Variants in ZNF44 observed in about 807,000 individuals in gnomAD.
The protein encoded by ZNF44 is zinc finger protein 44, also known as gonadotropin inducible transcription repressor-2.
ZNF44 carries 9 observed loss-of-function variants against 11.7 expected under a neutral mutation model. The observed-to-expected ratio is 0.77, with a 90% CI of 0.46 to 1.35. ZNF44 has a LOEUF of 1.35. Among genes scored for constraint, ZNF44 ranks in the 40% most tolerant of loss-of-function variants. The pLI is 0.00. For missense variants in ZNF44, 696 were observed against 743.1 expected, an observed-to-expected ratio of 0.94 and a Z score of 0.74; for synonymous variants, 224 against 242.7, an observed-to-expected ratio of 0.92 and a Z score of 0.72.
At chr19:12,266,235 C>T in intron 5 of ZNF44, 1 of 985,234 alleles carries the variant, frequency 1.0e-6, no homozygotes, top group Non-Finnish European at 1.2e-6. Flanking sequence ...CCAGCCAGCC[C>T]CTCCTCCCGC....
At chr19:12,250,022 T>C (rs1012999727) in exon 7 of ZNF44, 3 of 1,284,250 alleles carry the variant, frequency 2.3e-6, no homozygotes, top group Admixed American at 4.7e-5. Context: ...CAATGTTCCA[T>C]TCTTTTTGTT....
chr19:12,262,160 T>TA (rs1917531846), intron 5 of ZNF44, among the ~76,000 whole-genome samples: 1 of 152,210 alleles, frequency 6.6e-6, no homozygotes, highest in Non-Finnish European at 1.5e-5. Context: ...ACTCTAAATG[T>TA]AAAAAAGTCT....
downstream of ZNF44, among the ~76,000 whole-genome samples, chr19:12,245,341 AAG>A (rs1485017719): frequency 1.3e-5 from 2 of 152,128 alleles, no homozygotes; most frequent in Non-Finnish European, 2.9e-5. Context: ...GTTGTTTTAA[AAG>A]AGTTAATAAA....
At chr19:12,257,928 G>A (rs374229311) in intron 5 of ZNF44, among the ~76,000 whole-genome samples, 24 of 151,768 alleles carry the variant, frequency 1.6e-4, no homozygotes, top group African/African-American at 5.6e-4. Flanking sequence ...CCAAGATTGC[G>A]CCACTGCACT....
chr19:12,258,872 G>T (rs1229257162), intron 5 of ZNF44, among the ~76,000 whole-genome samples: 2 of 151,958 alleles, frequency 1.3e-5, no homozygotes, highest in African/African-American at 4.8e-5. Flanking sequence ...GAGCTTCCTT[G>T]GTCACTGTGG....
chr19:12,225,696 G>A (rs778668119), downstream of ZNF44, among the ~76,000 whole-genome samples: 2 of 152,180 alleles, frequency 1.3e-5, no homozygotes, highest in Non-Finnish European at 2.9e-5. Context: ...ATTCCCACAC[G>A]GGTGGCGTAG....
rs1235195648 is a variant in ZNF44 at position 12,233,787 on chromosome 19, G to GGCT, written n.380+879_380+880insAGC. On this transcript the variant is annotated intron_variant and non_coding_transcript_variant, in intron 2 of 3. Transcript: ENST00000597563. ...CTGTAAAAAATGACAAGCCTGGCTGGGCGCAGTGGCTCACACCTGTAATCC... is the reference window on the plus strand; with the variant it reads ...CTGTAAAAAATGACAAGCCTGGCTGGGCTGCGCAGTGGCTCACACCTGTAATCC... Among the ~76,000 whole-genome samples, 3 of 151,984 alleles carry GGCT rather than the reference G, an allele frequency of 2.0e-5. No individual in the cohort carries two copies. The East Asian group carries it at 5.8e-4, about 29-fold the overall frequency.
At chr19:12,250,663 T>C (rs904253937) in intron 5 of ZNF44, 1 of 419,788 alleles carries the variant, frequency 2.4e-6, no homozygotes, top group Non-Finnish European at 4.8e-6. Context: ...TTTAAGACCA[T>C]CAATTCTTTG....
rs76144392 is a variant in ZNF44 at position 12,272,162 on chromosome 19, ATT to A, written c.*243_*244del. ...CAGGTGTGAGCAACTATGCCTGGCT[ATT>A]TTTTTTTTTTTCCGTATTTTTAGTA... On this transcript the variant is annotated 3_prime_UTR_variant, in exon 4 of 4. Transcript: ENST00000355684. 0.15 allele frequency: 52,700 copies of A among 342,878 alleles called. 4,643 individuals carry two copies. The highest frequency in any genetic ancestry group is 0.37 in the African/African-American group (16,815 of 44,944). 21.2% of individuals were successfully genotyped at this position (342,878 alleles called of 1,614,324 possible).
At chr19:12,230,841 T>C (rs1228621370) in intron 2 of ZNF44, among the ~76,000 whole-genome samples, 1 of 152,156 alleles carries the variant, frequency 6.6e-6, no homozygotes, top group Non-Finnish European at 1.5e-5. Context: ...ATATTGGTTT[T>C]AGGGTGAGGG....
chr19:12,269,235 A>C (rs1449040546), downstream of ZNF44, among the ~76,000 whole-genome samples: 3 of 152,136 alleles, frequency 2.0e-5, no homozygotes, highest in African/African-American at 7.2e-5. Context: ...ACACATTCTA[A>C]AAAAGAAGGC....
chr19:12,274,754 ATT>A (rs1967140814), intron 3 of ZNF44, among the ~76,000 whole-genome samples: 2 of 151,996 alleles, frequency 1.3e-5, no homozygotes, highest in Non-Finnish European at 2.9e-5. Flanking sequence ...AAATCTTAAT[ATT>A]GTTTCCATGG....
At chr19:12,244,526 A>G (rs896391539), downstream of ZNF44, 9 of 152,668 alleles carry the variant, frequency 5.9e-5, no homozygotes, top group African/African-American at 1.9e-4. Context: ...TGAGAAAAGC[A>G]AAAGCTGTTC....
At chr19:12,248,081 T>C (rs753567172) in exon 8 of ZNF44, 1 of 1,319,188 alleles carries the variant, frequency 7.6e-7, no homozygotes, top group Admixed American at 2.2e-5. Context: ...CTACAGAAGA[T>C]ATGTAGGTTT....
rs541572351 is a variant in ZNF44, at chr19:12,290,398, A to C, written c.3+4294T>G. Among the ~76,000 whole-genome samples, 656 of 144,312 alleles carry C rather than the reference A, an allele frequency of 4.5e-3. 1 individual carries two copies. The highest frequency in any genetic ancestry group is 0.016 in the African/African-American group (636 of 38,912). The allele number at this position is 144,312 out of a possible 152,430, so 94.7% of individuals were successfully genotyped here. A position where few individuals can be genotyped will look rare whatever the true frequency, so the allele number is the denominator to read the frequency against. On this transcript the variant is annotated intron_variant, in intron 1 of 3. Coordinates refer to ENST00000355684, the MANE Select transcript of ZNF44 (RefSeq NM_016264.4). ...AAGAGTGAAACTCCGTCTTAAACAAAAAAAAAAAAAAGGCTCCTCCCAGGC... is the reference window on the plus strand; with the variant it reads ...AAGAGTGAAACTCCGTCTTAAACAACAAAAAAAAAAAGGCTCCTCCCAGGC...
intron 1 of ZNF44, among the ~76,000 whole-genome samples, chr19:12,281,490 C>A (rs1229755043): frequency 2.0e-5 from 3 of 152,084 alleles, no homozygotes; most frequent in African/African-American, 7.2e-5. Context: ...GGTTTAAAAT[C>A]AACACCCTAA....
Position 12,234,035 on chromosome 19 carries a change from C to T in ZNF44, n.380+632G>A, listed in dbSNP as rs567595321. On this transcript the variant is annotated intron_variant and non_coding_transcript_variant, in intron 2 of 3. Transcript: ENST00000597563. Reference sequence around the variant, plus strand: ...TGAGATCGCGCTGCTGCACTCCAGCCTGGGGGACAGAGTGAGACTCTGTCT... The same window carrying T: ...TGAGATCGCGCTGCTGCACTCCAGCTTGGGGGACAGAGTGAGACTCTGTCT... Among the ~76,000 whole-genome samples, 4 of 150,816 alleles carry T rather than the reference C, an allele frequency of 2.7e-5. No homozygotes were observed. The East Asian group carries it at 7.8e-4, about 30-fold the overall frequency.
In ZNF44 at chr19:12,294,849, G is replaced by A. The variant is rs1283336715; in HGVS notation, c.-155C>T. 4 of 802,844 alleles carry A rather than the reference G, an allele frequency of 5.0e-6. No individual in the cohort carries two copies. Among genetic ancestry groups the A allele is most frequent in the South Asian group, 4.0e-5 (2 of 50,074 alleles). The allele number at this position is 802,844 out of a possible 1,614,324, so 49.7% of individuals were successfully genotyped here. ...TGAAGAGGCCACTAGCTCCTGGAAC[G>A]TCACACCCTCCTCTCTGCCTCGCGC... On this transcript the variant is annotated 5_prime_UTR_variant, in exon 1 of 4. It adds an upstream start codon to the 5' untranslated region. Coordinates refer to ENST00000355684, the MANE Select transcript of ZNF44 (RefSeq NM_016264.4).
chr19:12,265,381 TCAAACAAA>T (rs145931845), intron 5 of ZNF44, among the ~76,000 whole-genome samples: 3 of 152,008 alleles, frequency 2.0e-5, no homozygotes, highest in African/African-American at 7.3e-5. Flanking sequence ...AGACACTGTC[TCAAACAAA>T]CAAACAAAAA....
Sources: allele counts gnomAD v4.1 joint callset (sites outside exome capture counted in the v4.1 genomes callset), GRCh38; gene constraint gnomAD v4.1.1; transcripts MANE v1.5; gene names NCBI Gene and HGNC (gene_info 2026-07-23, HGNC 2026-07-21).